Variants in RAD51B observed in about 807,000 individuals in gnomAD.
RAD51B encodes the protein DNA repair protein RAD51 homolog 2.
In RAD51B, 38 loss-of-function variants were observed where a neutral mutation model predicts 42.2. The observed-to-expected ratio is 0.90, with a 90% CI of 0.70 to 1.18. The LOEUF (loss-of-function observed/expected upper bound fraction) is 1.18, where lower values mean the gene tolerates loss of function less well. Among genes scored for constraint, RAD51B ranks in the 50% most tolerant of loss-of-function variants. The pLI, the probability that RAD51B is intolerant of heterozygous loss-of-function variation, is 0.00. For synonymous variants in RAD51B, 154 were observed against 145.2 expected (o/e 1.06, Z -0.43); for missense variants, 373 against 400.7 (o/e 0.93, Z 0.59).
At position 67,886,313 on chromosome 14, in the gene RAD51B, G is replaced by A. The variant is rs1237468368; in HGVS notation, c.572+325G>A. Among the ~76,000 whole-genome samples the A allele has an allele frequency of 3.3e-5, 5 of 152,160 alleles. No individual in the cohort carries two copies. In the East Asian group the frequency reaches 7.7e-4, roughly 23 times the overall value. ...TAGTTTCTGAGGGTTAAGTGTCTGG[G>A]AGTAGCTTAGCTGGGTGTTTCTGGC... On this transcript the variant is annotated intron_variant, in intron 6 of 10. Transcript: ENST00000471583.
chr14:67,828,133 G>A (rs1490089233), intron 3 of RAD51B, among the ~76,000 whole-genome samples: 2 of 152,052 alleles, frequency 1.3e-5, no homozygotes, highest in African/African-American at 2.4e-5. Context: ...CTATTAGTCT[G>A]CAACCTCACC....
At chr14:68,672,682 C>G (rs1477562928) in intron 11 of RAD51B, among the ~76,000 whole-genome samples, 1 of 152,184 alleles carries the variant, frequency 6.6e-6, no homozygotes, top group Non-Finnish European at 1.5e-5. Flanking sequence ...CTAGAAAGCA[C>G]TAGCCAAAGA....
At chr14:68,200,265 A>G (rs2079455562) in intron 7 of RAD51B, among the ~76,000 whole-genome samples, 1 of 152,210 alleles carries the variant, frequency 6.6e-6, no homozygotes, top group Admixed American at 6.5e-5. Flanking sequence ...GCCCAAGAAC[A>G]TAGGCAGTGC....
At chr14:68,100,164 T>C (rs957918952) in intron 7 of RAD51B, among the ~76,000 whole-genome samples, 1 of 152,108 alleles carries the variant, frequency 6.6e-6, no homozygotes, top group African/African-American at 2.4e-5. Context: ...AAGATAGAAG[T>C]ATATTTTCAA....
At chr14:68,378,745 A>G (rs1384176951) in intron 8 of RAD51B, among the ~76,000 whole-genome samples, 1 of 151,722 alleles carries the variant, frequency 6.6e-6, no homozygotes, top group East Asian at 1.9e-4. Flanking sequence ...GGGAAACCCT[A>G]GATATGGAGG....
intron 7 of RAD51B, among the ~76,000 whole-genome samples, chr14:68,061,337 G>T (rs541923033): frequency 6.6e-6 from 1 of 152,224 alleles, no homozygotes; most frequent in South Asian, 2.1e-4. Flanking sequence ...CCAAAGTGCT[G>T]TGCTTACAGG....
At chr14:68,023,612 G>A (rs1684956885) in intron 7 of RAD51B, among the ~76,000 whole-genome samples, 2 of 152,120 alleles carry the variant, frequency 1.3e-5, no homozygotes, top group African/African-American at 4.8e-5. Flanking sequence ...CTGGTGTGAG[G>A]CACCGCACCT....
intron 8 of RAD51B, 23 bp from the exon 9 acceptor site, chr14:68,411,401 G>A (rs771609509): frequency 5.0e-6 from 8 of 1,600,460 alleles, no homozygotes; most frequent in Middle Eastern, 1.7e-4. Flanking sequence ...ATCTGAAAGC[G>A]TGCTTTTACC....
chr14:68,413,794 C>A (rs1012743469), intron 9 of RAD51B, among the ~76,000 whole-genome samples: 2 of 152,104 alleles, frequency 1.3e-5, no homozygotes, highest in African/African-American at 4.8e-5. Flanking sequence ...TTAAAGCTAA[C>A]CTTTAAGGTA....
At chr14:68,293,760 A>G (rs2081559863) in intron 8 of RAD51B, among the ~76,000 whole-genome samples, 2 of 152,194 alleles carry the variant, frequency 1.3e-5, no homozygotes, top group Non-Finnish European at 2.9e-5. Context: ...GCTCAACTGT[A>G]TAAAGAAAAA....
chr14:68,436,595 G>A (rs1374234671), intron 9 of RAD51B, among the ~76,000 whole-genome samples: 2 of 152,084 alleles, frequency 1.3e-5, no homozygotes, highest in Non-Finnish European at 2.9e-5. Flanking sequence ...TGTTGAATCT[G>A]CAGGTTTCTT....
intron 10 of RAD51B, among the ~76,000 whole-genome samples, chr14:68,494,883 A>G (rs1030916061): frequency 6.6e-6 from 1 of 151,960 alleles, no homozygotes; most frequent in African/African-American, 2.4e-5. Context: ...AAAAAAATGG[A>G]TCCATCAGGA....
At chr14:67,945,233 G>T (rs1195007263) in intron 7 of RAD51B, among the ~76,000 whole-genome samples, 1 of 152,166 alleles carries the variant, frequency 6.6e-6, no homozygotes, top group Non-Finnish European at 1.5e-5. Context: ...GATTAATGTG[G>T]TTTGTGTACA....
At chr14:68,483,638 A>G (rs1883376228) in intron 10 of RAD51B, among the ~76,000 whole-genome samples, 1 of 152,194 alleles carries the variant, frequency 6.6e-6, no homozygotes, top group South Asian at 2.1e-4. Context: ...ACCAGACATG[A>G]TGCACGTTCC....
chr14:68,287,685 T>G (rs1186902529), intron 7 of RAD51B, among the ~76,000 whole-genome samples: 2 of 152,230 alleles, frequency 1.3e-5, no homozygotes, highest in Non-Finnish European at 2.9e-5. Flanking sequence ...CTTTTGAACA[T>G]ATTGACAGCA....
chr14:68,496,033 T>G (rs1352684515), intron 10 of RAD51B, among the ~76,000 whole-genome samples: 1 of 152,224 alleles, frequency 6.6e-6, no homozygotes, highest in African/African-American at 2.4e-5. Flanking sequence ...TTTGTCCTTT[T>G]GGTCCCATCC....
At chr14:68,064,545 C>G (rs567168415) in intron 7 of RAD51B, among the ~76,000 whole-genome samples, 1 of 152,004 alleles carries the variant, frequency 6.6e-6, no homozygotes, top group Admixed American at 6.5e-5. Flanking sequence ...TTTTTATAGG[C>G]CTTTTTCCTT....
chr14:68,411,376 A>G (rs764154826), intron 8 of RAD51B, 48 bp from the exon 9 acceptor site: 10 of 1,494,976 alleles, frequency 6.7e-6, no homozygotes, highest in Admixed American at 1.7e-5. Context: ...GTGAAATGCC[A>G]TCTCAAGAAA....
At chr14:67,900,623 TGTCATA>T (rs1206924495) in intron 7 of RAD51B, among the ~76,000 whole-genome samples, 2 of 145,114 alleles carry the variant, frequency 1.4e-5, no homozygotes, top group East Asian at 4.0e-4. Flanking sequence ...TGTGTGTGTG[TGTCATA>T]CACACACACA....
Sources: allele counts gnomAD v4.1 joint callset (sites outside exome capture counted in the v4.1 genomes callset), GRCh38; gene constraint gnomAD v4.1.1; transcripts MANE v1.5; gene names NCBI Gene and HGNC (gene_info 2026-07-23, HGNC 2026-07-21).